Variants in TBC1D19 observed in about 807,000 individuals in gnomAD.
TBC1D19 encodes the protein TBC1 domain family member 19.
Under a neutral mutation model 89.0 loss-of-function variants are expected in TBC1D19, and 60 were observed. The observed-to-expected ratio is 0.67, with a 90% CI of 0.55 to 0.84. The LOEUF (loss-of-function observed/expected upper bound fraction) is 0.84. TBC1D19 is among the 40% of genes least tolerant of loss of function. TBC1D19 has a pLI of 0.00. For missense variants in TBC1D19, 500 were observed against 610.8 expected (o/e 0.82, Z 1.91); for synonymous variants, 189 against 199.7 (o/e 0.95, Z 0.45).
At chr4:26,616,053 G>T (rs76816012) in intron 3 of TBC1D19, among the ~76,000 whole-genome samples, 2,712 of 151,904 alleles carry the variant, frequency 0.018, 55 homozygotes, top group East Asian at 0.066. Flanking sequence ...ATAACTCGTT[G>T]GGATTTTTTT....
chr4:26,729,431 C>T (rs1329905440), intron 15 of TBC1D19, among the ~76,000 whole-genome samples: 1 of 152,160 alleles, frequency 6.6e-6, no homozygotes, highest in African/African-American at 2.4e-5. Context: ...TGTTAAACAG[C>T]TAATTATAAC....
the TBC1D19 span, among the ~76,000 whole-genome samples, chr4:26,781,826 G>T: frequency 6.6e-6 from 1 of 151,196 alleles, no homozygotes; most frequent in African/African-American, 2.4e-5. Context: ...TTGTAATTCA[G>T]GATTAGGCAA....
At chr4:26,778,108 GGAGA>G in the TBC1D19 span, among the ~76,000 whole-genome samples, 1 of 150,290 alleles carries the variant, frequency 6.7e-6, no homozygotes, top group African/African-American at 2.4e-5. Context: ...GGGTGTGGAG[GGAGA>G]GAGAGAGAAG....
chr4:26,683,000 C>T (rs1713491707), intron 11 of TBC1D19, among the ~76,000 whole-genome samples: 1 of 152,220 alleles, frequency 6.6e-6, no homozygotes, highest in Admixed American at 6.5e-5. Context: ...GGCTGGAGAG[C>T]AGTGGCTCAA....
intron 12 of TBC1D19, among the ~76,000 whole-genome samples, chr4:26,687,868 A>G (rs1476462769): frequency 1.3e-5 from 2 of 152,162 alleles, no homozygotes; most frequent in East Asian, 1.9e-4. Flanking sequence ...CTCATAATAC[A>G]GAAAATCAAC....
intron 13 of TBC1D19, among the ~76,000 whole-genome samples, chr4:26,717,115 G>T (rs926168400): frequency 1.3e-5 from 2 of 151,892 alleles, no homozygotes; most frequent in African/African-American, 4.8e-5. Context: ...CCCCTTTCTT[G>T]TGTCTTGGAC....
At chr4:26,737,120 G>C (rs1226639847) in intron 16 of TBC1D19, among the ~76,000 whole-genome samples, 1 of 152,100 alleles carries the variant, frequency 6.6e-6, no homozygotes, top group Non-Finnish European at 1.5e-5. Flanking sequence ...TGGTCGTGGT[G>C]AATGACATAA....
the TBC1D19 span, among the ~76,000 whole-genome samples, chr4:26,801,159 T>G: frequency 5.9e-5 from 9 of 152,350 alleles, no homozygotes; most frequent in East Asian, 1.7e-3. Flanking sequence ...TGTAAGTCTT[T>G]AATCCATCTT....
At chr4:26,701,056 A>C (rs1715285641) in intron 13 of TBC1D19, among the ~76,000 whole-genome samples, 1 of 152,240 alleles carries the variant, frequency 6.6e-6, no homozygotes, top group South Asian at 2.1e-4. Context: ...AGCCACCCTG[A>C]TCTTTAACTT....
upstream of TBC1D19, chr4:26,584,003 G>A (rs1319371115): frequency 6.8e-6 from 4 of 587,192 alleles, no homozygotes; most frequent in Non-Finnish European, 1.2e-5. Context: ...CAGATGCTGT[G>A]GCCTTCAGGC....
intron 13 of TBC1D19, among the ~76,000 whole-genome samples, chr4:26,702,822 C>G (rs1200949903): frequency 6.6e-6 from 1 of 152,184 alleles, no homozygotes; most frequent in East Asian, 1.9e-4. Flanking sequence ...TCAGTCATCT[C>G]CCATGACAGA....
chr4:26,857,600 C>T, the TBC1D19 span: 4 of 152,248 alleles, frequency 2.6e-5, no homozygotes, highest in South Asian at 2.1e-4. Flanking sequence ...AGCCGGAAGC[C>T]GGGCGGGCAG....
chr4:26,702,547 T>C (rs1034537515), intron 13 of TBC1D19, among the ~76,000 whole-genome samples: 1 of 152,242 alleles, frequency 6.6e-6, no homozygotes, highest in South Asian at 2.1e-4. Context: ...CAGTAAGTAC[T>C]ATAGGAGTAT....
At chr4:26,661,909 A>C (rs1053697271) in intron 8 of TBC1D19, among the ~76,000 whole-genome samples, 1 of 152,190 alleles carries the variant, frequency 6.6e-6, no homozygotes, top group African/African-American at 2.4e-5. Flanking sequence ...ACACAATAGG[A>C]ATCATTTCTT....
the TBC1D19 span, among the ~76,000 whole-genome samples, chr4:26,786,342 G>C: frequency 6.6e-6 from 1 of 152,154 alleles, no homozygotes; most frequent in Non-Finnish European, 1.5e-5. Context: ...TCTAGTTAAA[G>C]AAGTAGTACC....
At chr4:26,815,861 C>T in the TBC1D19 span, among the ~76,000 whole-genome samples, 1 of 152,088 alleles carries the variant, frequency 6.6e-6, no homozygotes, top group Non-Finnish European at 1.5e-5. Context: ...TGCGTATTAA[C>T]CTAAATGGGA....
chr4:26,605,804 G>A (rs572604637), intron 1 of TBC1D19, among the ~76,000 whole-genome samples: 30 of 152,292 alleles, frequency 2.0e-4, no homozygotes, highest in Non-Finnish European at 3.5e-4. Context: ...CTGATGGCCA[G>A]TGATGATGAG....
intron 6 of TBC1D19, 45 bp from the exon 7 acceptor site, chr4:26,640,096 A>G (rs376442419): frequency 2.3e-6 from 3 of 1,295,100 alleles, no homozygotes; most frequent in Non-Finnish European, 3.3e-6. Flanking sequence ...ATAAGCCTTC[A>G]TATATTATTA....
chr4:26,664,748 G>A (rs966325897), intron 8 of TBC1D19, among the ~76,000 whole-genome samples: 3 of 151,778 alleles, frequency 2.0e-5, no homozygotes, highest in African/African-American at 4.8e-5. Context: ...TTTATATCCC[G>A]ATCATTGTCC....
Sources: allele counts gnomAD v4.1 joint callset (sites outside exome capture counted in the v4.1 genomes callset), GRCh38; gene constraint gnomAD v4.1.1; transcripts MANE v1.5; gene names NCBI Gene and HGNC (gene_info 2026-07-23, HGNC 2026-07-21).